Variants in RTN4 observed in about 807,000 individuals in gnomAD.
RTN4 encodes reticulon-4.
Under a neutral mutation model 90.4 loss-of-function variants are expected in RTN4, and 32 were observed. The ratio of observed to expected loss-of-function variants is 0.35; its 90% CI spans 0.27 to 0.48. The LOEUF (loss-of-function observed/expected upper bound fraction) is 0.48, where lower values mean the gene tolerates loss of function less well. Ranked by LOEUF, RTN4 falls within the 20% of genes least tolerant of loss-of-function variation. RTN4 has a pLI of 0.99. For missense variants in RTN4, 1,706 were observed against 1,430.2 expected (o/e 1.19, Z -3.11); for synonymous variants, 629 against 552.5 (o/e 1.14, Z -1.94).
rs139606205 is a variant in RTN4, at chr2:55,090,115, G to A, written c.-213-9476C>T. The stretch of plus-strand genomic sequence containing the variant: ...GATTTGAATTGTAAAATAGATCTGG[G>A]GCTGTTTTGAGTAGGATGGGGCTGT... On this transcript the variant is annotated intron_variant, in intron 1 of 3. Coordinates refer to the RTN4 transcript ENST00000427710. Among the ~76,000 whole-genome samples, 389 of 152,198 alleles carry A rather than the reference G, an allele frequency of 2.6e-3. 1 individual carries two copies. The highest frequency in any genetic ancestry group is 9.0e-3 in the African/African-American group (374 of 41,514).
At chr2:55,106,362 T>C (rs1335892795) in intron 1 of RTN4, among the ~76,000 whole-genome samples, 1 of 152,020 alleles carries the variant, frequency 6.6e-6, no homozygotes, top group African/African-American at 2.4e-5. Flanking sequence ...ATATCTTCTA[T>C]TGCATCACAC....
At chr2:55,046,287 T>C (rs1350891143) in intron 1 of RTN4, among the ~76,000 whole-genome samples, 3 of 152,252 alleles carry the variant, frequency 2.0e-5, no homozygotes, top group African/African-American at 4.8e-5. Context: ...AGCATATTTT[T>C]ATTTTTTTAA....
intron 3 of RTN4, among the ~76,000 whole-genome samples, chr2:55,011,968 C>CCT (rs1680677587): frequency 6.6e-6 from 1 of 152,162 alleles, no homozygotes; most frequent in South Asian, 2.1e-4. Flanking sequence ...AAATGTCTGG[C>CCT]CTCTCCACGC....
chr2:55,019,256 C>T (rs1681255530), intron 3 of RTN4, among the ~76,000 whole-genome samples: 2 of 152,004 alleles, frequency 1.3e-5, no homozygotes, highest in African/African-American at 4.8e-5. Flanking sequence ...GAAAAATGTA[C>T]GGGGAGTACT....
At chr2:55,084,437 G>A (rs1047854383) in intron 1 of RTN4, among the ~76,000 whole-genome samples, 3 of 151,818 alleles carry the variant, frequency 2.0e-5, no homozygotes, top group Non-Finnish European at 4.4e-5. Flanking sequence ...CACCATGCCT[G>A]GCCATGAATT....
At chr2:55,033,179 C>T (rs1181402449) in intron 1 of RTN4, among the ~76,000 whole-genome samples, 1 of 151,764 alleles carries the variant, frequency 6.6e-6, no homozygotes, top group Non-Finnish European at 1.5e-5. Flanking sequence ...AAAAGGCACA[C>T]CATAAGGGTC....
intron 1 of RTN4, chr2:55,080,683 GTCTT>G (rs1485781594): frequency 6.6e-6 from 1 of 152,130 alleles, no homozygotes; most frequent in Non-Finnish European, 1.5e-5. Flanking sequence ...TACTGAAACC[GTCTT>G]TCTAAGAAAA....
chr2:55,044,151 C>T (rs1338652334), intron 1 of RTN4, among the ~76,000 whole-genome samples: 2 of 152,134 alleles, frequency 1.3e-5, no homozygotes, highest in Non-Finnish European at 2.9e-5. Context: ...GCCAAGACTG[C>T]ACCACTATAC....
At chr2:55,104,655 T>C (rs1286932114) in intron 1 of RTN4, among the ~76,000 whole-genome samples, 1 of 151,784 alleles carries the variant, frequency 6.6e-6, no homozygotes, top group African/African-American at 2.4e-5. Context: ...CTGGCCTTGT[T>C]TTTATTTTTT....
chr2:55,019,048 G>A (rs1319126546), intron 3 of RTN4, among the ~76,000 whole-genome samples: 2 of 152,080 alleles, frequency 1.3e-5, no homozygotes, highest in Non-Finnish European at 2.9e-5. Context: ...AAAGAAGGTT[G>A]CATGTCCCTG....
chr2:55,028,130 C>G, intron 2 of RTN4, 34 bp downstream of exon 2: 1 of 1,591,048 alleles, frequency 6.3e-7, no homozygotes, highest in Non-Finnish European at 8.6e-7. Context: ...AGTTAGAATA[C>G]AGAGAGGATA....
At chr2:54,985,626 A>T (rs992270591) in intron 4 of RTN4, among the ~76,000 whole-genome samples, 3 of 152,226 alleles carry the variant, frequency 2.0e-5, no homozygotes, top group African/African-American at 7.2e-5. Flanking sequence ...GCTATTCAAT[A>T]AATGTTGGTC....
upstream of RTN4, among the ~76,000 whole-genome samples, chr2:55,051,188 G>A (rs1429810498): frequency 1.3e-5 from 2 of 152,144 alleles, no homozygotes; most frequent in South Asian, 2.1e-4. Flanking sequence ...AGGGATCTGG[G>A]GCCGACCATT....
At chr2:55,019,621 G>T (rs1333119597) in intron 3 of RTN4, among the ~76,000 whole-genome samples, 1 of 152,120 alleles carries the variant, frequency 6.6e-6, no homozygotes, top group Non-Finnish European at 1.5e-5. Flanking sequence ...TCCACTAGGA[G>T]GAATGTTCTA....
At chr2:55,029,079 G>A (rs943868789) in intron 1 of RTN4, among the ~76,000 whole-genome samples, 1 of 152,112 alleles carries the variant, frequency 6.6e-6, no homozygotes, top group Non-Finnish European at 1.5e-5. Flanking sequence ...TGGGCCAAGG[G>A]GATTAATGCC....
Position 55,025,290 on chromosome 2 carries a change from C to A in RTN4, c.2809G>T (p.Asp937Tyr). Residue 937 changes from aspartate (D) to tyrosine (Y), a missense_variant, in exon 3 of 9, where the codon GAC becomes TAC. Transcript: ENST00000337526. ...GTAGCAGACCCATTTTTAGAAAAGT[C>A]ATCTGAGAAACTGATTTTCTCTTCA... ...KVEEKISFSD[D>Y]FSKNGSATSK... is the part of the protein sequence containing the mutation. 2 of 1,613,856 alleles carry A rather than the reference C, an allele frequency of 1.2e-6. No individual in the cohort carries two copies. Among genetic ancestry groups the A allele is most frequent in the Non-Finnish European group, 1.7e-6 (2 of 1,179,858 alleles).
chr2:55,117,798 G>C, the RTN4 span, among the ~76,000 whole-genome samples: 7 of 152,230 alleles, frequency 4.6e-5, no homozygotes, highest in African/African-American at 1.7e-4. Flanking sequence ...AAAAGGCACA[G>C]AAGCCAGGAG....
intron 2 of RTN4, among the ~76,000 whole-genome samples, chr2:55,062,075 T>C (rs1426205472): frequency 2.0e-5 from 3 of 152,190 alleles, no homozygotes; most frequent in African/African-American, 4.8e-5. Flanking sequence ...CGGCAGGTCA[T>C]TGACCGGCAG....
chr2:55,134,896 CCAACATAGT>C, the RTN4 span, among the ~76,000 whole-genome samples: 1 of 152,186 alleles, frequency 6.6e-6, no homozygotes, highest in Non-Finnish European at 1.5e-5. Context: ...TCTCTGCTGT[CCAACATAGT>C]AGCCACTTGT....
Sources: allele counts gnomAD v4.1 joint callset (sites outside exome capture counted in the v4.1 genomes callset), GRCh38; gene constraint gnomAD v4.1.1; transcripts MANE v1.5; gene names NCBI Gene and HGNC (gene_info 2026-07-23, HGNC 2026-07-21).